ALPK1: variants seen among roughly 807,000 people sequenced by gnomAD.
The protein encoded by ALPK1 is alpha kinase 1.
In ALPK1, 110 loss-of-function variants were observed where a neutral mutation model predicts 120.6. That is an observed-to-expected ratio of 0.91 (90% CI 0.78 to 1.07). The LOEUF (loss-of-function observed/expected upper bound fraction) is 1.07. Among genes scored for constraint, ALPK1 ranks in the 50% least tolerant of loss-of-function variants. The probability of loss-of-function intolerance (pLI) is 0.00; values close to 1 mark genes in which losing one functional copy is unlikely to be tolerated. For synonymous variants in ALPK1, 582 were observed against 560.3 expected (o/e 1.04, Z -0.55); for missense variants, 1,498 against 1,483.9 (o/e 1.01, Z -0.16).
intron 5 of ALPK1, chr4:112,423,737 C>G (rs772600528): frequency 1.3e-5 from 9 of 687,674 alleles, no homozygotes; most frequent in Non-Finnish European, 2.1e-5. Flanking sequence ...TACTGTCCAA[C>G]TTCCCACCTT....
At chr4:112,319,138 T>C in intron 2 of ALPK1, among the ~76,000 whole-genome samples, 1 of 152,160 alleles carries the variant, frequency 6.6e-6, no homozygotes, top group Admixed American at 6.5e-5. Context: ...TGGAGGCTAG[T>C]GGTCCAAACT....
intron 7 of ALPK1, chr4:112,426,185 G>A: frequency 4.4e-6 from 1 of 229,180 alleles, no homozygotes; most frequent in South Asian, 1.4e-4. Context: ...TTTAACAGGA[G>A]GTGGCAATTA....
intron 1 of ALPK1, among the ~76,000 whole-genome samples, chr4:112,304,443 T>G (rs1159160010): frequency 6.6e-6 from 1 of 152,144 alleles, no homozygotes; most frequent in Non-Finnish European, 1.5e-5. Flanking sequence ...ATTGCCATTC[T>G]AACTGGTGTG....
intron 2 of ALPK1, among the ~76,000 whole-genome samples, chr4:112,329,134 G>C (rs1260831961): frequency 6.6e-6 from 1 of 152,140 alleles, no homozygotes. Context: ...TTGAATGAAT[G>C]AAAGAATAAA....
chr4:112,381,930 G>A (rs1032077916), intron 3 of ALPK1, among the ~76,000 whole-genome samples: 4 of 152,188 alleles, frequency 2.6e-5, no homozygotes, highest in South Asian at 2.1e-4. Flanking sequence ...GTATTCAAAT[G>A]TAGTCCATAT....
At chr4:112,301,769 C>G (rs1727798087) in intron 1 of ALPK1, among the ~76,000 whole-genome samples, 1 of 152,108 alleles carries the variant, frequency 6.6e-6, no homozygotes, top group Admixed American at 6.5e-5. Context: ...ATTTATTTGA[C>G]AGGGTCTCAC....
At chr4:112,381,713 T>G (rs7673053) in intron 3 of ALPK1, among the ~76,000 whole-genome samples, 80,868 of 152,020 alleles carry the variant, frequency 0.53, 22,777 homozygotes, top group East Asian at 0.82. Flanking sequence ...GTTAATTCAA[T>G]TCTGTTTCGG....
chr4:112,418,797 G>T (rs1578556503), intron 5 of ALPK1, among the ~76,000 whole-genome samples: 1 of 152,176 alleles, frequency 6.6e-6, no homozygotes, highest in East Asian at 1.9e-4. Context: ...ATAAAAGGAA[G>T]TAACTGAAAG....
rs139192746 is a variant in ALPK1 at position 112,422,016 on chromosome 4, T to C, written c.476-1928T>C. 1.4e-4 allele frequency among the ~76,000 whole-genome samples: 21 copies of C among 152,278 alleles called. No individual in the cohort carries two copies. In the East Asian group the frequency reaches 3.5e-3, roughly 25 times the overall value. On this transcript the variant is annotated intron_variant, in intron 5 of 15. Transcript: ENST00000650871. ...ATTGTTAAGTAAAATACGGGTGACT[T>C]GAACACAAGCACTGCATTACCTGAC... is the stretch of plus-strand genomic sequence containing the variant.
intron 2 of ALPK1, among the ~76,000 whole-genome samples, chr4:112,360,988 T>A (rs1308508686): frequency 6.6e-6 from 1 of 152,028 alleles, no homozygotes. Context: ...TTTTGGTTAC[T>A]GTTGGCCCTT....
At chr4:112,420,288 G>A (rs116212874) in intron 5 of ALPK1, among the ~76,000 whole-genome samples, 2,060 of 152,310 alleles carry the variant, frequency 0.014, 21 homozygotes, top group Middle Eastern at 0.048. Flanking sequence ...GTGTTTTGGT[G>A]ATCATTTGCT....
At chr4:112,372,223 T>C (rs1578510427) in intron 2 of ALPK1, among the ~76,000 whole-genome samples, 1 of 151,924 alleles carries the variant, frequency 6.6e-6, no homozygotes, top group East Asian at 1.9e-4. Context: ...TTTTTTTTTT[T>C]TTTCTTTTGA....
At position 112,441,158 on chromosome 4, in the gene ALPK1, C is replaced by A. The variant is rs375598555; in HGVS notation, c.3728-45C>A. ...ATGTGACAGACCTTAGTGATGCTCT[C>A]AAATATCTGGTGATGCTCGCAAATA... On this transcript the variant is annotated intron_variant, in intron 15 of 15. Coordinates refer to ENST00000650871, the MANE Select transcript of ALPK1 (RefSeq NM_025144.4). 436 of 1,613,582 alleles carry A rather than the reference C, an allele frequency of 2.7e-4. 1 individual carries two copies. Among genetic ancestry groups the A allele is most frequent in the Non-Finnish European group, 3.5e-4 (409 of 1,179,688 alleles).
rs535906601 is a variant in ALPK1 at position 112,309,814 on chromosome 4, A to G, written c.-152-5987A>G. 3.3e-5 allele frequency among the ~76,000 whole-genome samples: 5 copies of G among 152,080 alleles called. No homozygotes were observed. The East Asian group carries it at 9.6e-4, about 29-fold the overall frequency. ...AGACCATTTCCTTCGTTTGTGGCCT[A>G]TTTTATTTCTAAGACCCAGCTCAAG... On this transcript the variant is annotated intron_variant, in intron 1 of 15. Coordinates refer to ENST00000650871, the MANE Select transcript of ALPK1 (RefSeq NM_025144.4).
rs745934168 is a variant in ALPK1 at position 112,427,652 on chromosome 4, C to T, written c.782C>T (p.Pro261Leu). 6.2e-7 allele frequency: 1 copy of T among 1,611,396 alleles called. No individual in the cohort carries two copies. The highest frequency in any genetic ancestry group is 8.5e-7 in the Non-Finnish European group (1 of 1,177,670). The change falls in exon 9 of 16, where the codon CCA becomes CTA. Residue 261 changes from proline to leucine, a missense_variant. Physicochemically the swap from Pro to Leu is moderately conservative, Grantham distance 98 (BLOSUM62 -3). Transcript: ENST00000650871. ...GATTATGAAAAGTTTAAAAACAATC[C>T]ACAAATTAATTTGGTAATTATCATA... ...KNDYEKFKNN[P>L]QINLSLLKEF...
intron 2 of ALPK1, among the ~76,000 whole-genome samples, chr4:112,336,121 G>C (rs1205387744): frequency 2.0e-5 from 3 of 152,190 alleles, no homozygotes; most frequent in African/African-American, 7.2e-5. Context: ...CTGGCACATA[G>C]TAGGTACCCA....
chr4:112,306,519 T>A (rs1225158523), intron 1 of ALPK1, among the ~76,000 whole-genome samples: 2 of 152,130 alleles, frequency 1.3e-5, no homozygotes, highest in African/African-American at 4.8e-5. Context: ...TCTTCTAGAT[T>A]TTCTAGTTTA....
intron 1 of ALPK1, among the ~76,000 whole-genome samples, chr4:112,301,983 C>G (rs17627664): frequency 0.024 from 3,653 of 152,258 alleles, 134 homozygotes; most frequent in East Asian, 0.17. Context: ...CTCCAAAACC[C>G]TTCTCCTCCC....
chr4:112,312,701 G>A (rs1325885497), intron 1 of ALPK1, among the ~76,000 whole-genome samples: 3 of 152,150 alleles, frequency 2.0e-5, no homozygotes, highest in African/African-American at 7.2e-5. Flanking sequence ...AATACCTCTC[G>A]TTTGCAAGCC....
Sources: allele counts gnomAD v4.1 joint callset (sites outside exome capture counted in the v4.1 genomes callset), GRCh38; gene constraint gnomAD v4.1.1; transcripts MANE v1.5; gene names NCBI Gene and HGNC (gene_info 2026-07-23, HGNC 2026-07-21).